The following ETV5 variants were observed in gnomAD, a reference collection of about 807,000 sequenced individuals.
The protein encoded by ETV5 is ETS variant transcription factor 5.
In ETV5, 10 loss-of-function variants were observed where a neutral mutation model predicts 70.0. The observed-to-expected ratio is 0.14, with a 90% CI of 0.09 to 0.24. ETV5 has a LOEUF of 0.24. ETV5 is among the 10% of genes least tolerant of loss of function. The pLI is 1.00. For synonymous variants in ETV5, 216 were observed against 242.2 expected (o/e 0.89, Z 1.01); for missense variants, 453 against 651.2 (o/e 0.70, Z 3.31).
intron 7 of ETV5, among the ~76,000 whole-genome samples, chr3:186,070,778 A>G (rs1348269221): frequency 6.6e-6 from 1 of 152,232 alleles, no homozygotes; most frequent in Non-Finnish European, 1.5e-5. Context: ...TGTTGTATAC[A>G]TAATACAGCT....
chr3:186,092,195 T>C (rs1387024635), intron 5 of ETV5, among the ~76,000 whole-genome samples: 1 of 152,160 alleles, frequency 6.6e-6, no homozygotes, highest in Admixed American at 6.5e-5. Context: ...GGAAGATTAC[T>C]CTAGAATTCT....
chr3:186,086,208 A>C (rs1373727213), intron 5 of ETV5, among the ~76,000 whole-genome samples: 1 of 152,252 alleles, frequency 6.6e-6, no homozygotes, highest in African/African-American at 2.4e-5. Flanking sequence ...GATGTAATTA[A>C]GTCCATATCT....
chr3:186,050,243 T>G (rs1191465018), intron 12 of ETV5, among the ~76,000 whole-genome samples: 2 of 152,192 alleles, frequency 1.3e-5, no homozygotes, highest in African/African-American at 4.8e-5. Context: ...ATTGAAGTGT[T>G]AGGATCTGAG....
rs752613864 is a variant in ETV5 at position 186,105,981 on chromosome 3, GA to G, written c.-74-40del. ...TTGGGAGATTTTAACTAAGAGGGGG[GA>G]AAAAAAGAAATGAAACAATTTTAGA... On this transcript the variant is annotated intron_variant, in intron 1 of 12. Coordinates refer to ENST00000306376, the MANE Select transcript of ETV5 (RefSeq NM_004454.3). The surrounding 1 kb of genome is among the most constrained non-coding windows in gnomAD (Gnocchi z 4.5). 8.7e-5 allele frequency: 122 copies of G among 1,395,304 alleles called. No individual in the cohort carries two copies. The highest frequency in any genetic ancestry group is 9.2e-5 in the Non-Finnish European group (93 of 1,014,074). 86.4% of individuals were successfully genotyped at this position (1,395,304 alleles called of 1,614,324 possible). A position where few individuals can be genotyped will look rare whatever the true frequency, so the allele number is the denominator to read the frequency against.
chr3:186,093,258 G>T (rs1426243838), intron 5 of ETV5, among the ~76,000 whole-genome samples: 1 of 152,182 alleles, frequency 6.6e-6, no homozygotes, highest in Non-Finnish European at 1.5e-5. Context: ...TTTGTGGGAA[G>T]GGGGAATGAC....
intron 6 of ETV5, chr3:186,080,568 A>G (rs978143234): frequency 4.3e-6 from 1 of 231,922 alleles, no homozygotes; most frequent in African/African-American, 2.2e-5. Flanking sequence ...AGGCAAATCT[A>G]TGTTTATCTT....
At chr3:186,061,229 T>A (rs1713297106) in intron 9 of ETV5, among the ~76,000 whole-genome samples, 1 of 152,210 alleles carries the variant, frequency 6.6e-6, no homozygotes, top group South Asian at 2.1e-4. Flanking sequence ...CACACTGGAA[T>A]CACCTGGGGA....
In ETV5 at chr3:186,057,492, C is replaced by G; in HGVS notation, c.971-1G>C. On this transcript the variant is annotated splice_acceptor_variant, in intron 9 of 12. Transcript: ENST00000306376. LOFTEE classifies it high-confidence loss of function. The surrounding 1 kb of genome is among the most constrained non-coding windows in gnomAD (Gnocchi z 4.9). The stretch of plus-strand genomic sequence containing the variant: ...CGGGGATCTTTTTCATATGAAAAAC[C>G]TGAAAGAGAATTTAAAAGAAAGACT... 6.2e-7 allele frequency: 1 copy of G among 1,612,716 alleles called. No homozygotes were observed. Among genetic ancestry groups the G allele is most frequent in the Non-Finnish European group, 8.5e-7 (1 of 1,178,820 alleles).
intron 7 of ETV5, among the ~76,000 whole-genome samples, chr3:186,076,833 T>C (rs549664403): frequency 2.0e-5 from 3 of 152,212 alleles, no homozygotes; most frequent in Non-Finnish European, 2.9e-5. Context: ...TTGGATTAAA[T>C]GATGTAGGAA....
At chr3:186,056,996 C>G (rs958150998) in intron 11 of ETV5, 79 bp downstream of exon 11, 5 of 1,520,840 alleles carry the variant, frequency 3.3e-6, no homozygotes, top group African/African-American at 2.8e-5. Flanking sequence ...ACACAAAAAG[C>G]CTCAATGGAA....
intron 1 of ETV5, among the ~76,000 whole-genome samples, chr3:186,107,121 G>A (rs1714607153): frequency 6.6e-6 from 1 of 152,142 alleles, no homozygotes; most frequent in African/African-American, 2.4e-5. Context: ...ACCCTTCACA[G>A]CCAGCATCCT....
intron 5 of ETV5, among the ~76,000 whole-genome samples, chr3:186,096,853 G>A (rs6809651): frequency 0.14 from 21,339 of 151,976 alleles, 1,676 homozygotes; most frequent in African/African-American, 0.19. Context: ...GTGAGCTGCC[G>A]GTGAGCTACC....
At chr3:186,060,308 TC>T (rs1287041586) in intron 9 of ETV5, among the ~76,000 whole-genome samples, 3 of 152,220 alleles carry the variant, frequency 2.0e-5, no homozygotes, top group Non-Finnish European at 2.9e-5. Flanking sequence ...ATAAGAAGTA[TC>T]ACTGCGGTGT....
At chr3:186,075,926 C>T (rs1171888203) in intron 7 of ETV5, among the ~76,000 whole-genome samples, 2 of 152,150 alleles carry the variant, frequency 1.3e-5, no homozygotes, top group African/African-American at 4.8e-5. Flanking sequence ...GCAGGGCTTT[C>T]CTCAACTCAA....
At chr3:186,078,198 G>T (rs2150148696) in intron 7 of ETV5, 1 of 1,051,392 alleles carries the variant, frequency 9.5e-7, no homozygotes, top group East Asian at 5.5e-5. Flanking sequence ...TGTTAATACA[G>T]TATGTTACAT....
chr3:186,079,981 A>T lies in ETV5; in HGVS notation c.486T>A (p.His162Gln). ...PPQATLPTSG[H>Q]APAAGPVQGV... Reference sequence around the variant, plus strand: ...CTTGAACTGGGCCAGCTGCAGGGGCATGCCCTGAGGTGGGCAGAGTTGCCT... The same window carrying T: ...CTTGAACTGGGCCAGCTGCAGGGGCTTGCCCTGAGGTGGGCAGAGTTGCCT... The change falls in exon 7 of 13, where the codon CAT becomes CAA. Residue 162 changes from histidine (H) to glutamine (Q), a missense_variant. Coordinates refer to ENST00000306376, the MANE Select transcript of ETV5 (RefSeq NM_004454.3). 6.3e-7 allele frequency: 1 copy of T among 1,587,116 alleles called. No individual in the cohort carries two copies. The highest frequency in any genetic ancestry group is 8.6e-7 in the Non-Finnish European group (1 of 1,169,520).
intron 5 of ETV5, among the ~76,000 whole-genome samples, chr3:186,099,774 G>A (rs1490725293): frequency 6.6e-6 from 1 of 152,164 alleles, no homozygotes; most frequent in African/African-American, 2.4e-5. Context: ...GGGGATAAAT[G>A]GTAATTTCTT....
intron 7 of ETV5, among the ~76,000 whole-genome samples, chr3:186,070,793 C>G (rs1713613399): frequency 6.6e-6 from 1 of 152,234 alleles, no homozygotes; most frequent in Admixed American, 6.5e-5. Flanking sequence ...ACAGCTACAA[C>G]AAAGATGCCT....
intron 5 of ETV5, among the ~76,000 whole-genome samples, chr3:186,099,560 T>A (rs1714400303): frequency 6.6e-6 from 1 of 152,062 alleles, no homozygotes; most frequent in Non-Finnish European, 1.5e-5. Context: ...TTACCACCAC[T>A]AAAACCCAAG....
Sources: allele counts gnomAD v4.1 joint callset (sites outside exome capture counted in the v4.1 genomes callset), GRCh38; gene constraint gnomAD v4.1.1; non-coding constraint Gnocchi (gnomAD v3.1); transcripts MANE v1.5; gene names NCBI Gene and HGNC (gene_info 2026-07-23, HGNC 2026-07-21).